PDE1C: variants seen among roughly 807,000 people sequenced by gnomAD.
The protein encoded by PDE1C is dual specificity calcium/calmodulin-dependent 3',5'-cyclic nucleotide phosphodiesterase 1C.
Under a neutral mutation model 93.1 loss-of-function variants are expected in PDE1C, and 62 were observed. The observed-to-expected ratio is 0.67, with a 90% confidence interval of 0.54 to 0.82. The LOEUF (loss-of-function observed/expected upper bound fraction) is 0.82. Among genes scored for constraint, PDE1C ranks in the 40% least tolerant of loss-of-function variants. PDE1C has a pLI of 0.00. For synonymous variants in PDE1C, 325 were observed against 310.1 expected, an observed-to-expected ratio of 1.05 and a Z score of -0.50; for missense variants, 742 against 884.6, an observed-to-expected ratio of 0.84 and a Z score of 2.04.
intron 1 of PDE1C, among the ~76,000 whole-genome samples, chr7:32,383,644 G>GATGT (rs1784572358): frequency 9.4e-6 from 1 of 106,700 alleles, no homozygotes; most frequent in African/African-American, 5.6e-5. Context: ...CAGAATGCTG[G>GATGT]ATGGATGGAT....
chr7:32,250,412 G>A (rs1290182056), intron 1 of PDE1C, among the ~76,000 whole-genome samples: 1 of 152,138 alleles, frequency 6.6e-6, no homozygotes, highest in Non-Finnish European at 1.5e-5. Flanking sequence ...TGGGGAGGGA[G>A]CCTGTTAAAA....
intron 2 of PDE1C, among the ~76,000 whole-genome samples, chr7:31,937,669 T>C (rs1281837586): frequency 6.6e-6 from 1 of 152,124 alleles, no homozygotes; most frequent in Non-Finnish European, 1.5e-5. Context: ...AGACTTGCAA[T>C]AAAAAGACAA....
At chr7:31,799,500 T>C (rs1424520817) in intron 16 of PDE1C, among the ~76,000 whole-genome samples, 2 of 151,752 alleles carry the variant, frequency 1.3e-5, no homozygotes, top group Non-Finnish European at 2.9e-5. Flanking sequence ...GAGTCATCCA[T>C]TCCAAATTCA....
In PDE1C at chr7:32,158,864, A is replaced by T. The variant is rs1801739775; in HGVS notation, c.308+10921T>A. Among the ~76,000 whole-genome samples the T allele has an allele frequency of 2.6e-5, 4 of 152,226 alleles. No homozygotes were observed. In the South Asian group the frequency reaches 8.3e-4, roughly 32 times the overall value. Reference sequence around the variant, plus strand: ...TTTCTCATGGCAAACAAGGCCCTACATTACATAGTCCCAGGCTTACCTTTG... The same window carrying T: ...TTTCTCATGGCAAACAAGGCCCTACTTTACATAGTCCCAGGCTTACCTTTG... On this transcript the variant is annotated intron_variant, in intron 3 of 18. Coordinates refer to the PDE1C transcript ENST00000396193.
At chr7:32,102,369 T>C (rs954621804) in intron 3 of PDE1C, among the ~76,000 whole-genome samples, 2 of 151,850 alleles carry the variant, frequency 1.3e-5, no homozygotes, top group African/African-American at 4.8e-5. Flanking sequence ...GTTTTTTTGC[T>C]TGGCATATTT....
intron 1 of PDE1C, among the ~76,000 whole-genome samples, chr7:32,067,058 C>G (rs1795487766): frequency 6.6e-6 from 1 of 152,208 alleles, no homozygotes; most frequent in Non-Finnish European, 1.5e-5. Flanking sequence ...TGTGCAGAAC[C>G]TCGCTCAAGG....
At chr7:32,296,693 C>T (rs1327291104) in intron 1 of PDE1C, among the ~76,000 whole-genome samples, 4 of 152,202 alleles carry the variant, frequency 2.6e-5, no homozygotes, top group Admixed American at 2.0e-4. Context: ...GAAAGCCACA[C>T]TTTGAAGGAT....
intron 2 of PDE1C, among the ~76,000 whole-genome samples, chr7:32,013,874 C>T (rs1385242594): frequency 6.6e-6 from 1 of 152,214 alleles, no homozygotes; most frequent in East Asian, 1.9e-4. Context: ...GGAACCTCTA[C>T]TTTACTTTTT....
rs541511624 is a variant in PDE1C, at chr7:32,359,441, T to G, written c.310+68381A>C. 2.0e-5 allele frequency among the ~76,000 whole-genome samples: 3 copies of G among 152,370 alleles called. No homozygotes were observed. In the East Asian group the frequency reaches 5.8e-4, roughly 29 times the overall value. ...TATGTATATGACTCATTTATTTTAT[T>G]CATCATCTATCTTTCCCACTAAATT... On this transcript the variant is annotated intron_variant, in intron 1 of 1. Coordinates refer to the PDE1C transcript ENST00000672256.
At chr7:32,123,091 CA>C (rs1300790462) in intron 3 of PDE1C, among the ~76,000 whole-genome samples, 1 of 152,132 alleles carries the variant, frequency 6.6e-6, no homozygotes, top group Non-Finnish European at 1.5e-5. Context: ...TACCTCGACA[CA>C]AATAAACTAG....
Position 31,814,256 on chromosome 7 carries a change from T to C in PDE1C, c.1813+1668A>G, listed in dbSNP as rs546498831. On this transcript the variant is annotated intron_variant, in intron 15 of 17. Transcript: ENST00000396191. Reference sequence around the variant, plus strand: ...TCTGGGTAGATACCCAGGAGTGGGATTGCTGGATCAAATGGTAGTTTGGGT... The same window carrying C: ...TCTGGGTAGATACCCAGGAGTGGGACTGCTGGATCAAATGGTAGTTTGGGT... 2.4e-4 allele frequency among the ~76,000 whole-genome samples: 37 copies of C among 152,096 alleles called. 1 individual carries two copies. Among genetic ancestry groups the C allele is most frequent in the South Asian group, 4.1e-4 (2 of 4,820 alleles).
chr7:31,838,003 G>A, intron 9 of PDE1C, 32 bp from the exon 10 acceptor site: 12 of 1,417,426 alleles, frequency 8.5e-6, no homozygotes, highest in Non-Finnish European at 1.2e-5. Flanking sequence ...AAAAAAGGAT[G>A]GAAGTCAAAA....
the PDE1C span, among the ~76,000 whole-genome samples, chr7:31,681,180 A>C: frequency 2.0e-5 from 3 of 152,220 alleles, no homozygotes; most frequent in African/African-American, 4.8e-5. Flanking sequence ...AGGGGTAGGT[A>C]AACGGCTACT....
chr7:31,751,733 A>G lies in PDE1C; in HGVS notation c.*1651T>C, dbSNP rs1459040969. On this transcript the variant is annotated 3_prime_UTR_variant, in exon 18 of 18. Transcript: ENST00000396191. ...TTGTATAGCAATTAAATTTCTCTGAAGTATCATCATAAAGCACATTATAAA... is the reference window on the plus strand; with the variant it reads ...TTGTATAGCAATTAAATTTCTCTGAGGTATCATCATAAAGCACATTATAAA... The G allele has an allele frequency of 2.0e-5, 3 of 152,200 alleles. No homozygotes were observed. Among genetic ancestry groups the G allele is most frequent in the African/African-American group, 7.2e-5 (3 of 41,456 alleles). 9.4% of individuals were successfully genotyped at this position (152,200 alleles called of 1,614,324 possible).
intron 16 of PDE1C, among the ~76,000 whole-genome samples, chr7:31,791,216 T>C (rs545122818): frequency 4.6e-5 from 7 of 152,276 alleles, no homozygotes; most frequent in African/African-American, 1.4e-4. Context: ...TACAGTCAAT[T>C]CTCAATTTTC....
At chr7:32,120,409 C>T (rs55858844) in intron 3 of PDE1C, among the ~76,000 whole-genome samples, 3 of 152,342 alleles carry the variant, frequency 2.0e-5, no homozygotes, top group Non-Finnish European at 2.9e-5. Flanking sequence ...CTTCATTAAG[C>T]AGGTCCTGTT....
the PDE1C span, among the ~76,000 whole-genome samples, chr7:31,671,092 T>A: frequency 6.6e-6 from 1 of 152,286 alleles, no homozygotes; most frequent in East Asian, 1.9e-4. Context: ...CTCCAATTTG[T>A]TCATGCGACC....
chr7:32,386,510 T>C (rs544344095), intron 1 of PDE1C, among the ~76,000 whole-genome samples: 2 of 89,846 alleles, frequency 2.2e-5, no homozygotes. Context: ...GTGATTCCCC[T>C]ATTGTTGGAC....
chr7:32,101,690 G>A (rs1035426720), intron 3 of PDE1C, among the ~76,000 whole-genome samples: 1 of 152,194 alleles, frequency 6.6e-6, no homozygotes, highest in Non-Finnish European at 1.5e-5. Context: ...TTCTTAGCCT[G>A]CAGAACCGTG....
Sources: allele counts gnomAD v4.1 joint callset (sites outside exome capture counted in the v4.1 genomes callset), GRCh38; gene constraint gnomAD v4.1.1; transcripts MANE v1.5; gene names NCBI Gene and HGNC (gene_info 2026-07-23, HGNC 2026-07-21).